Variants in ABHD6 observed in about 807,000 individuals in gnomAD.
The protein encoded by ABHD6 is monoacylglycerol lipase ABHD6.
Under a neutral mutation model 38.8 loss-of-function variants are expected in ABHD6, and 33 were observed. The observed-to-expected ratio is 0.85, with a 90% CI of 0.64 to 1.14. The LOEUF is 1.14. Among genes scored for constraint, ABHD6 ranks in the 50% most tolerant of loss-of-function variants. The probability of loss-of-function intolerance (pLI) is 0.00; values close to 1 mark genes in which losing one functional copy is unlikely to be tolerated. For missense variants in ABHD6, 380 were observed against 422.6 expected (o/e 0.90, Z 0.88); for synonymous variants, 147 against 161.6 (o/e 0.91, Z 0.69).
intron 7 of ABHD6, 146 bp downstream of exon 7, chr3:58,274,961 C>T: frequency 2.0e-6 from 2 of 1,018,958 alleles, no homozygotes; most frequent in Non-Finnish European, 2.9e-6. Context: ...CTCTGCAGTG[C>T]CTGCAACACG....
At chr3:58,278,728 G>A (rs948299170) in intron 7 of ABHD6, among the ~76,000 whole-genome samples, 3 of 152,120 alleles carry the variant, frequency 2.0e-5, no homozygotes, top group Admixed American at 2.0e-4. Flanking sequence ...GCTTTCTCTT[G>A]TGGGCATTTA....
At position 58,265,079 on chromosome 3, in the gene ABHD6, T is replaced by G. The variant is rs1050693832; in HGVS notation, c.120-2110T>G. ...TCATCTCAGCCTCTGGTAACCATCC[T>G]TCTACTATCTATGCCCATGAGTTGC... On this transcript the variant is annotated intron_variant, in intron 3 of 9. Transcript: ENST00000478253. This position sits in a 1 kb window ranked among gnomAD's most constrained non-coding sequence, Gnocchi z 4.2. Among the ~76,000 whole-genome samples, 25 of 152,186 alleles carry G rather than the reference T, an allele frequency of 1.6e-4. No individual in the cohort carries two copies. Among genetic ancestry groups the G allele is most frequent in the African/African-American group, 5.8e-4 (24 of 41,442 alleles).
chr3:58,255,488 C>G (rs1186664609), intron 2 of ABHD6, among the ~76,000 whole-genome samples: 1 of 124,568 alleles, frequency 8.0e-6, no homozygotes, highest in African/African-American at 3.2e-5. Flanking sequence ...TTTAAAGGTT[C>G]TCACTCCGTT....
intron 7 of ABHD6, among the ~76,000 whole-genome samples, chr3:58,283,666 T>C (rs1307532967): frequency 2.0e-5 from 3 of 151,920 alleles, no homozygotes; most frequent in Admixed American, 1.3e-4. Context: ...GGCTGAATGG[T>C]TGGATGGATG....
chr3:58,289,424 G>T (rs967408110), intron 9 of ABHD6, among the ~76,000 whole-genome samples: 11 of 149,968 alleles, frequency 7.3e-5, no homozygotes, highest in African/African-American at 1.5e-4. Flanking sequence ...AGATTAGGGA[G>T]TGGTGATGAC....
chr3:58,292,319 G>A (rs2097463823), intron 9 of ABHD6, among the ~76,000 whole-genome samples: 1 of 152,158 alleles, frequency 6.6e-6, no homozygotes, highest in Non-Finnish European at 1.5e-5. Context: ...AGTTTGTTGG[G>A]GCTTTTGCTT....
chr3:58,243,166 G>A (rs981167350), intron 1 of ABHD6, among the ~76,000 whole-genome samples: 14 of 152,156 alleles, frequency 9.2e-5, no homozygotes, highest in Non-Finnish European at 5.9e-5. Flanking sequence ...ATTGTGAATA[G>A]TGCTGCAATA....
intron 7 of ABHD6, among the ~76,000 whole-genome samples, chr3:58,278,269 C>T (rs1195720622): frequency 5.9e-5 from 9 of 152,182 alleles, no homozygotes. Flanking sequence ...ATTATTGCCT[C>T]AATTTCAGAG....
At chr3:58,275,922 C>T (rs1433974566) in intron 7 of ABHD6, among the ~76,000 whole-genome samples, 1 of 152,152 alleles carries the variant, frequency 6.6e-6, no homozygotes. Flanking sequence ...CAGCTTCATC[C>T]ATGTCCCTGT....
chr3:58,285,472 C>G lies in ABHD6; in HGVS notation c.837+19C>G. 3.1e-6 allele frequency: 5 copies of G among 1,600,492 alleles called. No homozygotes were observed. In the Admixed American group the frequency reaches 8.3e-5, roughly 27 times the overall value. On this transcript the variant is annotated intron_variant, in intron 9 of 9. Coordinates refer to ENST00000478253, the MANE Select transcript of ABHD6 (RefSeq NM_001320126.2). This position sits in a 1 kb window ranked among gnomAD's most constrained non-coding sequence, Gnocchi z 4.9. ...AGACCAGGTATGTAACACATCCCCG[C>G]GGCAGTCTGTGCTGGTCACCAGGGC... is the stretch of plus-strand genomic sequence containing the variant.
intron 7 of ABHD6, among the ~76,000 whole-genome samples, chr3:58,277,809 T>C (rs1033767164): frequency 2.4e-4 from 37 of 152,236 alleles, no homozygotes; most frequent in Non-Finnish European, 4.3e-4. Flanking sequence ...ATTGAGAGTT[T>C]TTAGCATGAA....
chr3:58,253,106 C>T (rs916286550), intron 2 of ABHD6, among the ~76,000 whole-genome samples: 5 of 151,936 alleles, frequency 3.3e-5, no homozygotes, highest in African/African-American at 4.8e-5. Context: ...AAGATGGAGG[C>T]AGATGCGACC....
At chr3:58,284,698 G>A (rs1218830635) in intron 7 of ABHD6, among the ~76,000 whole-genome samples, 1 of 151,970 alleles carries the variant, frequency 6.6e-6, no homozygotes, top group African/African-American at 2.4e-5. Context: ...TGATCTGCCC[G>A]CCTTGGCCTC....
Position 58,267,965 on chromosome 3 carries a change from T to A in ABHD6, c.276+620T>A, listed in dbSNP as rs2097442302. Among the ~76,000 whole-genome samples the A allele has an allele frequency of 6.6e-6, 1 of 152,092 alleles. No individual in the cohort carries two copies. The highest frequency in any genetic ancestry group is 1.5e-5 in the Non-Finnish European group (1 of 68,004). On this transcript the variant is annotated intron_variant, in intron 4 of 9. Coordinates refer to ENST00000478253, the MANE Select transcript of ABHD6 (RefSeq NM_001320126.2). This position sits in a 1 kb window ranked among gnomAD's most constrained non-coding sequence, Gnocchi z 4.3. ...GCATGCACCTGTAGTCCCAGCTACT[T>A]TGGAGGCTGAGATGGGAGAATCACC...
chr3:58,252,373 C>G (rs2097430633), intron 2 of ABHD6, among the ~76,000 whole-genome samples: 1 of 151,254 alleles, frequency 6.6e-6, no homozygotes, highest in Non-Finnish European at 1.5e-5. Context: ...GCCACCATGC[C>G]CGGCTAATTT....
Position 58,274,834 on chromosome 3 carries a change from C to T in ABHD6, c.681+19C>T, listed in dbSNP as rs1321851309. Reference sequence around the variant, plus strand: ...CCAGCAGGTAACGTGGTTGCAGCAGCGACACAACTACCCTCCCCAGAGGCC... The same window carrying T: ...CCAGCAGGTAACGTGGTTGCAGCAGTGACACAACTACCCTCCCCAGAGGCC... On this transcript the variant is annotated intron_variant, in intron 7 of 9. Coordinates refer to ENST00000478253, the MANE Select transcript of ABHD6 (RefSeq NM_001320126.2). The T allele has an allele frequency of 1.9e-5, 30 of 1,611,136 alleles. 1 individual carries two copies. The highest frequency in any genetic ancestry group is 3.3e-4 in the Middle Eastern group (2 of 6,020).
At position 58,263,813 on chromosome 3, in the gene ABHD6, C is replaced by T. The variant is rs1051681269; in HGVS notation, c.120-3376C>T. 2.6e-5 allele frequency among the ~76,000 whole-genome samples: 4 copies of T among 152,024 alleles called. No homozygotes were observed. Among genetic ancestry groups the T allele is most frequent in the African/African-American group, 9.7e-5 (4 of 41,394 alleles). ...AAACGTAACCCATTCGAGCCCCACT[C>T]CCAGTACCAAAAATAAAAAATAATA... On this transcript the variant is annotated intron_variant, in intron 3 of 9. Coordinates refer to ENST00000478253, the MANE Select transcript of ABHD6 (RefSeq NM_001320126.2). This position sits in a 1 kb window ranked among gnomAD's most constrained non-coding sequence, Gnocchi z 4.9.
intron 9 of ABHD6, among the ~76,000 whole-genome samples, chr3:58,286,010 GTTTTTTGTTCTTTTGT>G (rs1295550692): frequency 3.4e-5 from 4 of 116,700 alleles, no homozygotes; most frequent in African/African-American, 1.4e-4. Flanking sequence ...CCTAATTTTT[GTTTTTTGTTCTTTTGT>G]TTTTTTTTTT....
intron 7 of ABHD6, among the ~76,000 whole-genome samples, chr3:58,283,699 T>G (rs961113062): frequency 2.6e-5 from 4 of 152,170 alleles, no homozygotes; most frequent in African/African-American, 9.7e-5. Flanking sequence ...GATATCTGGT[T>G]AATGCAGAGA....
Sources: allele counts gnomAD v4.1 joint callset (sites outside exome capture counted in the v4.1 genomes callset), GRCh38; gene constraint gnomAD v4.1.1; non-coding constraint Gnocchi (gnomAD v3.1); transcripts MANE v1.5; gene names NCBI Gene and HGNC (gene_info 2026-07-23, HGNC 2026-07-21).